EPHB1: variants seen among roughly 807,000 people sequenced by gnomAD.
EPHB1 encodes EPH receptor B1.
EPHB1 carries 30 observed loss-of-function variants against 94.4 expected under a neutral mutation model. The ratio of observed to expected loss-of-function variants is 0.32; its 90% CI spans 0.24 to 0.43. EPHB1 has a LOEUF of 0.43. Ranked by LOEUF, EPHB1 falls within the 20% of genes least tolerant of loss-of-function variation. The pLI is 1.00. For synonymous variants in EPHB1, 522 were observed against 489.1 expected (o/e 1.07, Z -0.89); for missense variants, 1,055 against 1,308.3 (o/e 0.81, Z 2.99).
chr3:135,063,609 G>A (rs192259682), intron 3 of EPHB1, among the ~76,000 whole-genome samples: 1 of 152,126 alleles, frequency 6.6e-6, no homozygotes, highest in Admixed American at 6.5e-5. Flanking sequence ...CAGGGTTTTT[G>A]AGGTAAATAA....
chr3:135,069,952 A>G (rs1240817822), intron 3 of EPHB1, among the ~76,000 whole-genome samples: 1 of 152,230 alleles, frequency 6.6e-6, no homozygotes, highest in Non-Finnish European at 1.5e-5. Flanking sequence ...TCAAATACAA[A>G]CAGATGTCTT....
Position 134,803,092 on chromosome 3 carries a change from G to A in EPHB1, c.58+7403G>A, listed in dbSNP as rs1050955762. Among the ~76,000 whole-genome samples, 5 of 152,182 alleles carry A rather than the reference G, an allele frequency of 3.3e-5. No individual in the cohort carries two copies. In the South Asian group the frequency reaches 1.0e-3, roughly 32 times the overall value. On this transcript the variant is annotated intron_variant, in intron 1 of 15. Coordinates refer to ENST00000398015, the MANE Select transcript of EPHB1 (RefSeq NM_004441.5). Reference sequence around the variant, plus strand: ...CAGCTGCTTAAGGAGGGTGCTCATGGGAGGTTCCCCCAGAGTTCTCTGTAA... The same window carrying A: ...CAGCTGCTTAAGGAGGGTGCTCATGAGAGGTTCCCCCAGAGTTCTCTGTAA...
chr3:134,852,428 G>C (rs1234207358), intron 1 of EPHB1: 1 of 152,130 alleles, frequency 6.6e-6, no homozygotes, highest in East Asian at 1.9e-4. Context: ...TCCTTCCTCT[G>C]CCCCATATCG....
intron 9 of EPHB1, among the ~76,000 whole-genome samples, chr3:135,179,523 G>C (rs1256298059): frequency 2.6e-5 from 4 of 152,192 alleles, no homozygotes; most frequent in Non-Finnish European, 5.9e-5. Flanking sequence ...TAATGCATTT[G>C]GTTGGCATCA....
At chr3:134,984,703 A>G (rs764588215) in intron 3 of EPHB1, among the ~76,000 whole-genome samples, 101 of 152,066 alleles carry the variant, frequency 6.6e-4, no homozygotes, top group Non-Finnish European at 1.3e-3. Flanking sequence ...CAGCCTAGGA[A>G]CTTGCACTGA....
intron 1 of EPHB1, among the ~76,000 whole-genome samples, chr3:134,839,910 G>A (rs2036745229): frequency 6.6e-6 from 1 of 152,182 alleles, no homozygotes; most frequent in South Asian, 2.1e-4. Flanking sequence ...TGCTCAGGAT[G>A]GGCCAGGACT....
rs191493474 is a variant in EPHB1 at position 135,031,089 on chromosome 3, C to T, written c.806-75359C>T. ...GTCTCGCCCTGCTTTGGCTCGTGCA[C>T]GGTGCGCGCACCCACTGACCTGCGC... On this transcript the variant is annotated intron_variant, in intron 3 of 15. Transcript: ENST00000398015. Among the ~76,000 whole-genome samples the T allele has an allele frequency of 9.7e-3, 1,482 of 152,260 alleles. 25 individuals carry two copies. Among genetic ancestry groups the T allele is most frequent in the African/African-American group, 0.033 (1,358 of 41,540 alleles).
intron 3 of EPHB1, among the ~76,000 whole-genome samples, chr3:135,094,418 G>A (rs554121969): frequency 6.6e-6 from 1 of 152,076 alleles, no homozygotes; most frequent in Non-Finnish European, 1.5e-5. Context: ...GGTGTCTGTG[G>A]GGGCAGATCG....
At chr3:134,832,059 C>G (rs972571349) in intron 1 of EPHB1, among the ~76,000 whole-genome samples, 1 of 152,138 alleles carries the variant, frequency 6.6e-6, no homozygotes. Flanking sequence ...TCCAAGTAAG[C>G]AATAGATACT....
At chr3:134,932,109 C>T (rs2038917216) in intron 2 of EPHB1, among the ~76,000 whole-genome samples, 1 of 151,964 alleles carries the variant, frequency 6.6e-6, no homozygotes, top group Non-Finnish European at 1.5e-5. Flanking sequence ...TTCTAGAGTT[C>T]TGGAAACACT....
rs1468745244 is a variant in EPHB1 at position 134,831,993 on chromosome 3, G to A, written c.58+36304G>A. ...TCTTGTGAGAGCGGCATTGTTCAGT[G>A]TCATGGCAGGGTGGGGTTGCTGGAT... is the stretch of plus-strand genomic sequence containing the variant. On this transcript the variant is annotated intron_variant, in intron 1 of 15. Transcript: ENST00000398015. Among the ~76,000 whole-genome samples, 4 of 152,232 alleles carry A rather than the reference G, an allele frequency of 2.6e-5. No individual in the cohort carries two copies. In the East Asian group the frequency reaches 7.7e-4, roughly 29 times the overall value.
intron 15 of EPHB1, among the ~76,000 whole-genome samples, chr3:135,252,355 T>G (rs1262320839): frequency 9.4e-6 from 1 of 105,896 alleles, no homozygotes; most frequent in East Asian, 3.2e-4. Context: ...CCCAATGCTA[T>G]CCCTCCCCCC....
intron 1 of EPHB1, among the ~76,000 whole-genome samples, chr3:134,823,023 T>A (rs2036411078): frequency 6.6e-6 from 1 of 152,178 alleles, no homozygotes; most frequent in African/African-American, 2.4e-5. Context: ...GAGGGGTACA[T>A]GACTCCTCAG....
At chr3:134,823,915 A>G (rs1220409520) in intron 1 of EPHB1, 1 of 152,206 alleles carries the variant, frequency 6.6e-6, no homozygotes, top group African/African-American at 2.4e-5. Flanking sequence ...AGGCTGTAAG[A>G]CATGATCTAT....
chr3:134,980,733 T>C (rs752140217), intron 3 of EPHB1, among the ~76,000 whole-genome samples: 7 of 152,154 alleles, frequency 4.6e-5, no homozygotes, highest in Non-Finnish European at 7.3e-5. Context: ...TGAGGATAAA[T>C]ACTCAAGGCA....
chr3:135,133,057 T>G lies in EPHB1; in HGVS notation c.1297+8T>G. On this transcript the variant is annotated splice_region_variant and intron_variant, in intron 5 of 15. Coordinates refer to ENST00000398015, the MANE Select transcript of EPHB1 (RefSeq NM_004441.5). ...TCACCACAAACCAAGCCGGTAAGTC[T>G]GGAGGCTTCTGTGCTCCTGTTTGGA... is the stretch of plus-strand genomic sequence containing the variant. The G allele has an allele frequency of 6.4e-7, 1 of 1,569,400 alleles. No individual in the cohort carries two copies. Among genetic ancestry groups the G allele is most frequent in the Non-Finnish European group, 8.7e-7 (1 of 1,152,452 alleles).
chr3:135,088,759 A>G (rs1938452346), intron 3 of EPHB1, among the ~76,000 whole-genome samples: 1 of 152,232 alleles, frequency 6.6e-6, no homozygotes, highest in Admixed American at 6.5e-5. Flanking sequence ...CTCATGCATT[A>G]TCAAAGCTTG....
intron 1 of EPHB1, among the ~76,000 whole-genome samples, chr3:134,807,494 AGTGTGTGTGT>A (rs151336394): frequency 8.6e-4 from 119 of 138,822 alleles, no homozygotes; most frequent in Admixed American, 1.3e-3. Context: ...TTGGGGAAGG[AGTGTGTGTGT>A]GTGTGTGTGT....
chr3:135,031,262 A>C (rs1232443944), intron 3 of EPHB1, among the ~76,000 whole-genome samples: 3 of 152,064 alleles, frequency 2.0e-5, no homozygotes, highest in Non-Finnish European at 4.4e-5. Flanking sequence ...GAAGGTTACA[A>C]AGAATCCCTT....
Sources: allele counts gnomAD v4.1 joint callset (sites outside exome capture counted in the v4.1 genomes callset), GRCh38; gene constraint gnomAD v4.1.1; transcripts MANE v1.5; gene names NCBI Gene and HGNC (gene_info 2026-07-23, HGNC 2026-07-21).